RIMS2: variants seen among roughly 807,000 people sequenced by gnomAD.
RIMS2 encodes the protein regulating synaptic membrane exocytosis 2.
In RIMS2, 59 loss-of-function variants were observed where a neutral mutation model predicts 174.4. The ratio of observed to expected loss-of-function variants is 0.34; its 90% CI spans 0.27 to 0.42. The LOEUF (loss-of-function observed/expected upper bound fraction) is 0.42, where lower values mean the gene tolerates loss of function less well. Among genes scored for constraint, RIMS2 ranks in the 10% least tolerant of loss-of-function variants. RIMS2 has a pLI of 1.00. For synonymous variants in RIMS2, 606 were observed against 572.5 expected (o/e 1.06, Z -0.84); for missense variants, 1,620 against 1,666.3 (o/e 0.97, Z 0.48).
At chr8:103,662,690 CTAT>C (rs2096617758) in intron 1 of RIMS2, among the ~76,000 whole-genome samples, 1 of 150,896 alleles carries the variant, frequency 6.6e-6, no homozygotes, top group Non-Finnish European at 1.5e-5. Context: ...ATCTATCTAT[CTAT>C]CTATCTATCT....
At chr8:103,628,754 T>TAAAA (rs200221962) in intron 1 of RIMS2, among the ~76,000 whole-genome samples, 2 of 115,118 alleles carry the variant, frequency 1.7e-5, no homozygotes, top group Non-Finnish European at 1.7e-5. Flanking sequence ...AGACCCATAT[T>TAAAA]AAAAAAAAAA....
At chr8:104,108,558 C>G (rs1450262656) in intron 19 of RIMS2, among the ~76,000 whole-genome samples, 2 of 152,102 alleles carry the variant, frequency 1.3e-5, no homozygotes, top group African/African-American at 4.8e-5. Context: ...CTTGGCCCCC[C>G]AGAGTGCTTG....
intron 12 of RIMS2, among the ~76,000 whole-genome samples, chr8:103,935,877 T>C (rs575565767): frequency 1.2e-4 from 19 of 152,318 alleles, no homozygotes; most frequent in Non-Finnish European, 2.6e-4. Flanking sequence ...GTAACACATG[T>C]ACAGAGATAT....
In RIMS2 at chr8:104,185,065, T is replaced by A. The variant is rs7833233; in HGVS notation, c.3335-59851T>A. ...TTTTCAGAGTTAACCCTAGTTTGTA[T>A]GAAGCATAATTGCCTTGATTATATC... On this transcript the variant is annotated intron_variant, in intron 19 of 23. Coordinates refer to ENST00000504942, the Ensembl canonical transcript of RIMS2. Among the ~76,000 whole-genome samples the A allele has an allele frequency of 5.7e-3, 857 of 151,646 alleles. 6 individuals carry two copies. Among genetic ancestry groups the A allele is most frequent in the African/African-American group, 0.019 (793 of 41,490 alleles).
chr8:104,189,143 G>T (rs1419705672), intron 19 of RIMS2, among the ~76,000 whole-genome samples: 1 of 151,962 alleles, frequency 6.6e-6, no homozygotes, highest in Non-Finnish European at 1.5e-5. Flanking sequence ...TAAGCAGCCA[G>T]ACTTTTCTGT....
At chr8:104,165,638 C>A (rs1471192979) in intron 19 of RIMS2, among the ~76,000 whole-genome samples, 2 of 151,484 alleles carry the variant, frequency 1.3e-5, no homozygotes, top group Non-Finnish European at 2.9e-5. Flanking sequence ...CTTTATCTGT[C>A]CTTGCTATCA....
intron 4 of RIMS2, among the ~76,000 whole-genome samples, chr8:103,907,246 G>C (rs1402987817): frequency 2.0e-5 from 3 of 152,102 alleles, no homozygotes; most frequent in African/African-American, 7.2e-5. Flanking sequence ...CTATTTTGAG[G>C]AATGCAATTT....
chr8:103,848,353 A>G (rs968766024), intron 3 of RIMS2, among the ~76,000 whole-genome samples: 1 of 152,012 alleles, frequency 6.6e-6, no homozygotes, highest in Non-Finnish European at 1.5e-5. Context: ...CTTCAAGTGG[A>G]TATGAACTTC....
intron 19 of RIMS2, among the ~76,000 whole-genome samples, chr8:104,079,634 T>G (rs1598386445): frequency 8.7e-6 from 1 of 115,052 alleles, no homozygotes; most frequent in South Asian, 3.0e-4. Flanking sequence ...TATATATATA[T>G]ATATATATGA....
downstream of RIMS2, chr8:104,254,353 T>C (rs549854743): frequency 6.6e-6 from 1 of 152,348 alleles, no homozygotes; most frequent in South Asian, 2.1e-4. Flanking sequence ...AGTCCTGTAA[T>C]GAACACCAAC....
At chr8:103,872,634 G>T (rs903574418) in intron 3 of RIMS2, among the ~76,000 whole-genome samples, 3 of 152,180 alleles carry the variant, frequency 2.0e-5, no homozygotes, top group Non-Finnish European at 4.4e-5. Context: ...TCAAACTCAA[G>T]ATTAAAAGAG....
chr8:103,790,357 A>G (rs550320464), intron 3 of RIMS2, among the ~76,000 whole-genome samples: 1 of 152,316 alleles, frequency 6.6e-6, no homozygotes, highest in South Asian at 2.1e-4. Context: ...TCATGCAATT[A>G]TGTAGCCTTT....
downstream of RIMS2, chr8:104,255,872 C>A (rs2099366791): frequency 6.6e-6 from 1 of 152,172 alleles, no homozygotes; most frequent in Non-Finnish European, 1.5e-5. Flanking sequence ...GAACAAACAA[C>A]AAGTCTGTGC....
intron 2 of RIMS2, among the ~76,000 whole-genome samples, chr8:103,753,354 T>A (rs1480124403): frequency 6.6e-6 from 1 of 152,232 alleles, no homozygotes; most frequent in Non-Finnish European, 1.5e-5. Context: ...TTATTGAGGA[T>A]TTTTGCATCG....
At chr8:103,566,192 G>A (rs996511412) in intron 1 of RIMS2, among the ~76,000 whole-genome samples, 1 of 152,112 alleles carries the variant, frequency 6.6e-6, no homozygotes, top group East Asian at 1.9e-4. Flanking sequence ...GTCTTAACTG[G>A]TATTTCTTAC....
chr8:103,703,836 T>A (rs1213201234), intron 2 of RIMS2, among the ~76,000 whole-genome samples: 2 of 152,178 alleles, frequency 1.3e-5, no homozygotes, highest in Non-Finnish European at 2.9e-5. Flanking sequence ...GTATGTTGAT[T>A]TTGTATCCTG....
chr8:103,946,394 A>G (rs1185812564), intron 14 of RIMS2, among the ~76,000 whole-genome samples: 1 of 152,136 alleles, frequency 6.6e-6, no homozygotes, highest in Non-Finnish European at 1.5e-5. Context: ...CAGGAAGCTG[A>G]AGCAGGATAA....
At position 103,956,870 on chromosome 8, in the gene RIMS2, T is replaced by C. The variant is rs576889314; in HGVS notation, c.2702-4195T>C. 1.1e-3 allele frequency among the ~76,000 whole-genome samples: 161 copies of C among 152,106 alleles called. 1 individual carries two copies. The highest frequency in any genetic ancestry group is 3.5e-3 in the African/African-American group (144 of 41,466). On this transcript the variant is annotated intron_variant, in intron 14 of 23. Coordinates refer to ENST00000504942, the Ensembl canonical transcript of RIMS2. ...CTGTCCATTTGTCAAAGGGCTAATA[T>C]CCAGAATCTACAAAGAACTTAAACA...
At chr8:103,741,649 T>C (rs1185477918) in intron 2 of RIMS2, among the ~76,000 whole-genome samples, 1 of 152,090 alleles carries the variant, frequency 6.6e-6, no homozygotes, top group Admixed American at 6.6e-5. Flanking sequence ...AGGCACCTTG[T>C]TTAAGTCAAT....
Sources: gnomAD v4.1 joint callset for allele counts (sites outside exome capture counted in the v4.1 genomes callset) on GRCh38, gnomAD v4.1.1 for gene constraint, MANE v1.5 for transcripts, NCBI Gene and HGNC (gene_info 2026-07-23, HGNC 2026-07-21) for gene names.